Variants in CADM2 observed in about 807,000 individuals in gnomAD.
CADM2 encodes immunoglobulin superfamily member 4D.
CADM2 carries 12 observed loss-of-function variants against 49.8 expected under a neutral mutation model. The observed-to-expected ratio is 0.24, with a 90% CI of 0.15 to 0.39. The LOEUF (loss-of-function observed/expected upper bound fraction) is 0.39. Among genes scored for constraint, CADM2 ranks in the 10% least tolerant of loss-of-function variants. CADM2 has a pLI of 1.00. For missense variants in CADM2, 378 were observed against 492.3 expected, an observed-to-expected ratio of 0.77 and a Z score of 2.20; for synonymous variants, 214 against 175.4, an observed-to-expected ratio of 1.22 and a Z score of -1.74.
chr3:85,938,345 C>T (rs1721434650), intron 7 of CADM2, among the ~76,000 whole-genome samples: 1 of 151,844 alleles, frequency 6.6e-6, no homozygotes, highest in Admixed American at 6.6e-5. Flanking sequence ...GTAAAAAGAA[C>T]AGGATGCAAA....
chr3:85,672,961 TTCCCC>T, intron 1 of CADM2, among the ~76,000 whole-genome samples: 1 of 152,224 alleles, frequency 6.6e-6, no homozygotes, highest in Non-Finnish European at 1.5e-5. Flanking sequence ...TTCTGTAGTT[TTCCCC>T]TTGACTAAAT....
At chr3:85,243,195 G>C (rs1395189067) in intron 1 of CADM2, among the ~76,000 whole-genome samples, 1 of 151,616 alleles carries the variant, frequency 6.6e-6, no homozygotes, top group African/African-American at 2.4e-5. Flanking sequence ...TATTTCTACT[G>C]TATTTCAATA....
chr3:85,464,665 G>A lies in CADM2; in HGVS notation c.62-261857G>A, dbSNP rs11713087. On this transcript the variant is annotated intron_variant, in intron 1 of 9. Transcript: ENST00000383699. ...CATAGTTTATATGAAGATACAATTC[G>A]TTTCATCATATATTACATCACATAA... 3.4e-3 allele frequency among the ~76,000 whole-genome samples: 513 copies of A among 152,140 alleles called. 1 individual carries two copies. Among genetic ancestry groups the A allele is most frequent in the Non-Finnish European group, 5.0e-3 (340 of 67,988 alleles).
chr3:85,915,993 C>G lies in CADM2; in HGVS notation c.700+3450C>G, dbSNP rs142365391. ...AAGATAAACATACAATGCCAAGAGG[C>G]ATAATGAAAAAAGTATAGTAGGAGG... is the stretch of plus-strand genomic sequence containing the variant. On this transcript the variant is annotated intron_variant, in intron 6 of 9. Coordinates refer to ENST00000383699, the MANE Select transcript of CADM2 (RefSeq NM_001167675.2). Among the ~76,000 whole-genome samples the G allele has an allele frequency of 1.9e-3, 287 of 152,102 alleles. 1 individual carries two copies. Among genetic ancestry groups the G allele is most frequent in the African/African-American group, 6.3e-3 (261 of 41,516 alleles).
chr3:85,540,219 A>C (rs1479563514), intron 1 of CADM2, among the ~76,000 whole-genome samples: 1 of 152,158 alleles, frequency 6.6e-6, no homozygotes, highest in Non-Finnish European at 1.5e-5. Flanking sequence ...TAATCATACT[A>C]AATTATAACC....
At chr3:84,988,578 C>CCCA (rs1211839647) in intron 1 of CADM2, among the ~76,000 whole-genome samples, 2 of 152,200 alleles carry the variant, frequency 1.3e-5, no homozygotes, top group African/African-American at 2.4e-5. Flanking sequence ...TATCATTATA[C>CCCA]AGCTTGTCTT....
intron 1 of CADM2, among the ~76,000 whole-genome samples, chr3:85,314,632 C>G (rs576738579): frequency 5.9e-5 from 9 of 152,078 alleles, no homozygotes; most frequent in African/African-American, 2.2e-4. Context: ...AATTCTGTTT[C>G]TTTAATGATA....
At chr3:85,121,475 G>T (rs1472827153) in intron 1 of CADM2, among the ~76,000 whole-genome samples, 2 of 152,106 alleles carry the variant, frequency 1.3e-5, no homozygotes, top group Non-Finnish European at 2.9e-5. Flanking sequence ...ATCTGCAAAG[G>T]ATAAAGAGAT....
At chr3:85,879,532 G>C (rs1018258644) in intron 3 of CADM2, among the ~76,000 whole-genome samples, 1 of 152,240 alleles carries the variant, frequency 6.6e-6, no homozygotes, top group Non-Finnish European at 1.5e-5. Flanking sequence ...AAAGCACATA[G>C]GGAAGGTGCA....
At chr3:85,280,652 A>C (rs575591812) in intron 1 of CADM2, among the ~76,000 whole-genome samples, 19 of 151,870 alleles carry the variant, frequency 1.3e-4, no homozygotes, top group South Asian at 6.2e-4. Flanking sequence ...TTTTTTATTT[A>C]AAAAAACTTA....
chr3:85,912,559 T>A lies in CADM2; in HGVS notation c.700+16T>A. On this transcript the variant is annotated intron_variant, in intron 6 of 9. Coordinates refer to ENST00000383699, the MANE Select transcript of CADM2 (RefSeq NM_001167675.2). ...GAAATACACTGTAAGTAAACACTACTTCCCCCTCCTTTATCTCAGCAGCAA... is the reference window on the plus strand; with the variant it reads ...GAAATACACTGTAAGTAAACACTACATCCCCCTCCTTTATCTCAGCAGCAA... 4 of 1,602,432 alleles carry A rather than the reference T, an allele frequency of 2.5e-6. No individual in the cohort carries two copies. The highest frequency in any genetic ancestry group is 2.6e-6 in the Non-Finnish European group (3 of 1,172,786).
chr3:85,949,571 G>A, intron 7 of CADM2, among the ~76,000 whole-genome samples: 1 of 151,122 alleles, frequency 6.6e-6, no homozygotes, highest in East Asian at 2.0e-4. Flanking sequence ...GATCCTTTGA[G>A]AATGATTACA....
chr3:85,556,438 CA>C (rs1296667864), intron 1 of CADM2, among the ~76,000 whole-genome samples: 2 of 151,960 alleles, frequency 1.3e-5, no homozygotes, highest in African/African-American at 2.4e-5. Context: ...AACTCTATTT[CA>C]AAAATTTAAC....
intron 8 of CADM2, among the ~76,000 whole-genome samples, chr3:86,058,201 C>A (rs2107372591): frequency 6.6e-6 from 1 of 152,270 alleles, no homozygotes; most frequent in East Asian, 1.9e-4. Context: ...TTTCCCTAAT[C>A]TTTCAAATAG....
At chr3:85,715,774 T>C (rs2067269219) in intron 1 of CADM2, among the ~76,000 whole-genome samples, 1 of 152,148 alleles carries the variant, frequency 6.6e-6, no homozygotes, top group African/African-American at 2.4e-5. Context: ...TCAGTTCCTG[T>C]GTTAGTTTCC....
intron 1 of CADM2, among the ~76,000 whole-genome samples, chr3:85,152,155 C>T (rs1367309099): frequency 6.6e-6 from 1 of 152,112 alleles, no homozygotes; most frequent in African/African-American, 2.4e-5. Flanking sequence ...CTTCACTTTT[C>T]AGCTTTTTCC....
At chr3:85,989,361 C>T (rs1041091897) in intron 8 of CADM2, among the ~76,000 whole-genome samples, 5 of 152,118 alleles carry the variant, frequency 3.3e-5, no homozygotes, top group Non-Finnish European at 7.3e-5. Context: ...TTGGGTACCA[C>T]TTAAAAGGAG....
At chr3:85,002,448 T>A (rs891441439) in intron 1 of CADM2, among the ~76,000 whole-genome samples, 13 of 152,084 alleles carry the variant, frequency 8.5e-5, no homozygotes, top group Admixed American at 3.3e-4. Flanking sequence ...TGTTTCACTT[T>A]ATTACCCATC....
chr3:85,907,445 A>G (rs1030351098), intron 5 of CADM2, among the ~76,000 whole-genome samples: 3 of 152,146 alleles, frequency 2.0e-5, no homozygotes, highest in African/African-American at 7.2e-5. Context: ...CATGATTCCT[A>G]AGAGATACCT....
Sources: gnomAD v4.1 joint callset for allele counts (sites outside exome capture counted in the v4.1 genomes callset) on GRCh38, gnomAD v4.1.1 for gene constraint, MANE v1.5 for transcripts, NCBI Gene and HGNC (gene_info 2026-07-23, HGNC 2026-07-21) for gene names.